Variants in ZFP1 observed in about 807,000 individuals in gnomAD.
ZFP1 encodes the protein ZFP1 zinc finger protein, also known as zinc finger protein 1 homolog.
In ZFP1, 32 loss-of-function variants were observed where a neutral mutation model predicts 38.5. The observed-to-expected ratio is 0.83, with a 90% confidence interval of 0.63 to 1.12. ZFP1 has a LOEUF of 1.12. Ranked by LOEUF, ZFP1 falls within the 50% of genes most tolerant of loss-of-function variation. ZFP1 has a pLI of 0.00. For missense variants in ZFP1, 616 were observed against 480.8 expected (o/e 1.28, Z -2.63); for synonymous variants, 245 against 168.8 (o/e 1.45, Z -3.50).
At chr16:75,156,640 G>A (rs1054335940) in intron 2 of ZFP1, among the ~76,000 whole-genome samples, 4 of 152,162 alleles carry the variant, frequency 2.6e-5, no homozygotes, top group African/African-American at 4.8e-5. Context: ...TAGTTGGGCC[G>A]TGTGACAGGG....
chr16:75,137,649 G>A, the ZFP1 span, among the ~76,000 whole-genome samples: 1 of 151,598 alleles, frequency 6.6e-6, no homozygotes, highest in East Asian at 1.9e-4. Context: ...TGTATTTTTA[G>A]TAGAGACGGG....
At chr16:75,144,320 G>C, upstream of ZFP1, 1 of 152,202 alleles carries the variant, frequency 6.6e-6, no homozygotes, top group South Asian at 2.1e-4. Flanking sequence ...ACATATTCTT[G>C]TGTGATCAGT....
Position 75,172,150 on chromosome 16 carries a change from A to C in ZFP1, c.*1816A>C, listed in dbSNP as rs147945941. ...GTGGGAACAAACTCCAAACTTCTCTAGGTCAAATGAGGAAAGCAAGAGGGG... is the reference window on the plus strand; with the variant it reads ...GTGGGAACAAACTCCAAACTTCTCTCGGTCAAATGAGGAAAGCAAGAGGGG... On this transcript the variant is annotated 3_prime_UTR_variant, in exon 4 of 4. Coordinates refer to ENST00000570010, the MANE Select transcript of ZFP1 (RefSeq NM_153688.4). The C allele has an allele frequency of 2.6e-5, 4 of 152,210 alleles. No homozygotes were observed. Among genetic ancestry groups the C allele is most frequent in the African/African-American group, 9.7e-5 (4 of 41,450 alleles). 9.4% of individuals were successfully genotyped at this position (152,210 alleles called of 1,614,324 possible). A position where few individuals can be genotyped will look rare whatever the true frequency, so the allele number is the denominator to read the frequency against.
At position 75,166,810 on chromosome 16, in the gene ZFP1, A is replaced by C. The variant is rs1445326176; in HGVS notation, c.56A>C (p.Gln19Pro). 4 of 1,614,070 alleles carry C rather than the reference A, an allele frequency of 2.5e-6. No homozygotes were observed. The highest frequency in any genetic ancestry group is 2.5e-6 in the Non-Finnish European group (3 of 1,180,026). Residue 19 changes from glutamine to proline, a missense_variant, in exon 3 of 4, where the codon CAG becomes CCG. Transcript: ENST00000570010. ...SFTDVTVDFT[Q>P]EEWEQLDPSQ... ...ACGGATGTGACTGTGGACTTTACCC[A>C]GGAGGAATGGGAACAACTGGACCCC...
chr16:75,154,179 G>T (rs1000068594), intron 2 of ZFP1, among the ~76,000 whole-genome samples: 1 of 151,768 alleles, frequency 6.6e-6, no homozygotes, highest in African/African-American at 2.4e-5. Context: ...AGCTGAGATC[G>T]CGCCACTGAA....
At chr16:75,141,246 A>G in the ZFP1 span, among the ~76,000 whole-genome samples, 1 of 115,404 alleles carries the variant, frequency 8.7e-6, no homozygotes, top group Admixed American at 1.3e-4. Context: ...TCTGTCGCCC[A>G]GGCTGGAGTG....
At chr16:75,127,115 T>G in the ZFP1 span, among the ~76,000 whole-genome samples, 1 of 152,262 alleles carries the variant, frequency 6.6e-6, no homozygotes, top group Non-Finnish European at 1.5e-5. Context: ...TCTTTGACTA[T>G]GGCTGCTCTA....
chr16:75,156,203 T>C (rs1310865097), intron 2 of ZFP1, among the ~76,000 whole-genome samples: 1 of 152,068 alleles, frequency 6.6e-6, no homozygotes, highest in Admixed American at 6.6e-5. Context: ...CCGGTAATCC[T>C]AGCACTTTGG....
intron 2 of ZFP1, among the ~76,000 whole-genome samples, chr16:75,153,697 T>G (rs1156693265): frequency 6.6e-6 from 1 of 152,198 alleles, no homozygotes; most frequent in East Asian, 1.9e-4. Context: ...GAGCCAATAT[T>G]GATACTTTAA....
chr16:75,148,561 G>A lies in ZFP1; in HGVS notation c.-126G>A, dbSNP rs926419908. On this transcript the variant is annotated 5_prime_UTR_variant, in exon 1 of 4. Coordinates refer to ENST00000570010, the MANE Select transcript of ZFP1 (RefSeq NM_153688.4). ...CCACCAGCGGCGAGTGGGTGACAGAGCCCCCGTCTCCGCGCGTCTTCGCCG... is the reference window on the plus strand; with the variant it reads ...CCACCAGCGGCGAGTGGGTGACAGAACCCCCGTCTCCGCGCGTCTTCGCCG... 6.6e-6 allele frequency: 1 copy of A among 152,310 alleles called. No homozygotes were observed. The highest frequency in any genetic ancestry group is 2.4e-5 in the African/African-American group (1 of 41,464). 9.4% of individuals were successfully genotyped at this position (152,310 alleles called of 1,614,324 possible). A position where few individuals can be genotyped will look rare whatever the true frequency, so the allele number is the denominator to read the frequency against.
chr16:75,169,128 T>A (rs561309138), intron 3 of ZFP1, 125 bp from the exon 4 acceptor site: 23 of 1,249,504 alleles, frequency 1.8e-5, no homozygotes, highest in Non-Finnish European at 2.4e-5. Flanking sequence ...TTTTTTAATA[T>A]TGGGAGACTG....
intron 1 of ZFP1, among the ~76,000 whole-genome samples, chr16:75,151,795 G>A (rs1355748402): frequency 1.3e-5 from 2 of 152,092 alleles, no homozygotes; most frequent in Admixed American, 1.3e-4. Context: ...ATTTATTTGT[G>A]TAGATTCAGG....
the ZFP1 span, among the ~76,000 whole-genome samples, chr16:75,135,228 A>AAAAAAAAAAAAAC: frequency 9.6e-5 from 1 of 10,434 alleles, no homozygotes; most frequent in Non-Finnish European, 2.3e-4. Context: ...AAAAAAAAAA[A>AAAAAAAAAAAAAC]AAAAACCACT....
the ZFP1 span, among the ~76,000 whole-genome samples, chr16:75,142,418 G>C: frequency 1.3e-5 from 2 of 151,640 alleles, no homozygotes; most frequent in Non-Finnish European, 2.9e-5. Context: ...CTGCTGAAAC[G>C]TCCTGCTGTA....
rs909983919 is a variant in ZFP1, at chr16:75,169,646, A to T, written c.536A>T (p.Asn179Ile). ...ATTTTTAAACATCAGAAAATAAAAA[A>T]CTTGGTTCAACCTTTCATTTGTACT... ...AAIFKHQKIK[N>I]LVQPFICTYC... The change falls in exon 4 of 4, where the codon AAC (asparagine) becomes ATC (isoleucine). Residue 179 changes from asparagine to isoleucine, a missense_variant. Coordinates refer to ENST00000570010, the MANE Select transcript of ZFP1 (RefSeq NM_153688.4). 1.9e-6 allele frequency: 3 copies of T among 1,595,256 alleles called. No individual in the cohort carries two copies. The highest frequency in any genetic ancestry group is 2.6e-6 in the Non-Finnish European group (3 of 1,174,874).
chr16:75,146,462 C>T (rs928502183), upstream of ZFP1, among the ~76,000 whole-genome samples: 10 of 152,166 alleles, frequency 6.6e-5, no homozygotes, highest in Admixed American at 2.0e-4. Context: ...CCACTGCACC[C>T]GGCCGCAACC....
chr16:75,168,363 G>A (rs1406114193), intron 3 of ZFP1, among the ~76,000 whole-genome samples: 1 of 152,056 alleles, frequency 6.6e-6, no homozygotes, highest in Non-Finnish European at 1.5e-5. Context: ...GGCTGGGCAT[G>A]GTGGCTCATG....
chr16:75,142,590 G>T, the ZFP1 span, among the ~76,000 whole-genome samples: 1 of 152,136 alleles, frequency 6.6e-6, no homozygotes, highest in Non-Finnish European at 1.5e-5. Flanking sequence ...TATTTCTCTT[G>T]CTCATAAAAT....
chr16:75,120,922 G>C, the ZFP1 span, among the ~76,000 whole-genome samples: 7 of 152,224 alleles, frequency 4.6e-5, no homozygotes, highest in Non-Finnish European at 8.8e-5. Context: ...ACTGCACCCA[G>C]CCTACCCTTG....
Sources: gnomAD v4.1 joint callset for allele counts (sites outside exome capture counted in the v4.1 genomes callset) on GRCh38, gnomAD v4.1.1 for gene constraint, MANE v1.5 for transcripts, NCBI Gene and HGNC (gene_info 2026-07-23, HGNC 2026-07-21) for gene names.